Variants in PRKG1 observed in about 807,000 individuals in gnomAD.
PRKG1 encodes the protein protein kinase cGMP-dependent 1.
PRKG1 carries 35 observed loss-of-function variants against 88.1 expected under a neutral mutation model. That is an observed-to-expected ratio of 0.40 (90% CI 0.30 to 0.53). The LOEUF (loss-of-function observed/expected upper bound fraction) is 0.53, where lower values mean the gene tolerates loss of function less well. Among genes scored for constraint, PRKG1 ranks in the 20% least tolerant of loss-of-function variants. PRKG1 has a pLI of 0.59. For missense variants in PRKG1, 540 were observed against 839.8 expected (o/e 0.64, Z 4.41); for synonymous variants, 303 against 292.5 (o/e 1.04, Z -0.37).
At chr10:51,520,733 T>A in intron 3 of PRKG1, among the ~76,000 whole-genome samples, 1 of 152,206 alleles carries the variant, frequency 6.6e-6, no homozygotes. Context: ...TTTTGCATAT[T>A]GACCTCATGT....
intron 4 of PRKG1, among the ~76,000 whole-genome samples, chr10:51,807,227 GA>G (rs1194993948): frequency 6.6e-6 from 1 of 152,132 alleles, no homozygotes; most frequent in Non-Finnish European, 1.5e-5. Flanking sequence ...ACTCATTGAA[GA>G]ATGAAAATGC....
intron 1 of PRKG1, among the ~76,000 whole-genome samples, chr10:51,057,232 G>T (rs528730523): frequency 3.9e-5 from 6 of 152,268 alleles, no homozygotes; most frequent in South Asian, 2.1e-4. Flanking sequence ...TTGAGGTCAG[G>T]ATATATATCT....
intron 3 of PRKG1, among the ~76,000 whole-genome samples, chr10:51,495,595 G>A (rs1053078389): frequency 8.5e-5 from 13 of 152,176 alleles, no homozygotes; most frequent in African/African-American, 3.1e-4. Context: ...ATTGAAAATA[G>A]ACTAATTTAT....
At chr10:51,177,753 T>G (rs1837233959) in intron 2 of PRKG1, among the ~76,000 whole-genome samples, 1 of 152,060 alleles carries the variant, frequency 6.6e-6, no homozygotes, top group Non-Finnish European at 1.5e-5. Flanking sequence ...CATATATATT[T>G]ATACTATAAT....
At chr10:51,070,943 A>G (rs1843817994), upstream of PRKG1, among the ~76,000 whole-genome samples, 2 of 152,216 alleles carry the variant, frequency 1.3e-5, no homozygotes, top group African/African-American at 4.8e-5. Context: ...AACTGTTAGC[A>G]TCTAATGTCA....
intron 1 of PRKG1, among the ~76,000 whole-genome samples, chr10:51,017,826 G>T (rs1016815219): frequency 5.3e-5 from 8 of 151,358 alleles, no homozygotes; most frequent in African/African-American, 1.7e-4. Flanking sequence ...TTGATACAGG[G>T]TCTTGCTTTG....
intron 3 of PRKG1, among the ~76,000 whole-genome samples, chr10:51,499,169 G>A (rs1337911533): frequency 6.6e-6 from 1 of 152,216 alleles, no homozygotes; most frequent in East Asian, 1.9e-4. Flanking sequence ...TCCTCTGGGA[G>A]TTGGGACAAG....
intron 1 of PRKG1, among the ~76,000 whole-genome samples, chr10:51,040,232 T>TTGTGTGTGTGTGTGTG (rs373057468): frequency 1.7e-5 from 2 of 117,788 alleles, no homozygotes; most frequent in African/African-American, 3.2e-5. Context: ...TCCATTCCAT[T>TTGTGTGTGTGTGTGTG]TGTGTGTGTG....
chr10:51,523,029 A>G (rs1841776835), intron 3 of PRKG1, among the ~76,000 whole-genome samples: 1 of 152,196 alleles, frequency 6.6e-6, no homozygotes, highest in Non-Finnish European at 1.5e-5. Flanking sequence ...ATTTCTGAAC[A>G]GTTTTGTCCG....
chr10:51,549,120 C>CTTTTTTTTTTTTTTT lies in PRKG1; in HGVS notation c.592+81291_592+81305dup, dbSNP rs56045527. 1.1e-3 allele frequency among the ~76,000 whole-genome samples: 80 copies of CTTTTTTTTTTTTTTT among 70,326 alleles called. 2 individuals carry two copies. Among genetic ancestry groups the CTTTTTTTTTTTTTTT allele is most frequent in the South Asian group, 2.3e-3 (3 of 1,290 alleles). The allele number at this position is 70,326 out of a possible 152,430, so 46.1% of individuals were successfully genotyped here. ...TTCTTTCCTTTCTTTCTTTTCTTTT[C>CTTTTTTTTTTTTTTT]TTTTTTTTTTTTTTTTTTTTTGAGA... is the stretch of plus-strand genomic sequence containing the variant. On this transcript the variant is annotated intron_variant, in intron 3 of 17. Transcript: ENST00000373980.
chr10:51,689,954 G>A (rs540985805), intron 3 of PRKG1, among the ~76,000 whole-genome samples: 5 of 152,288 alleles, frequency 3.3e-5, no homozygotes, highest in Middle Eastern at 3.4e-3. Flanking sequence ...TTTCTATAAA[G>A]AAATACCTGA....
chr10:51,089,441 A>G (rs1844343815), intron 1 of PRKG1, among the ~76,000 whole-genome samples: 1 of 152,218 alleles, frequency 6.6e-6, no homozygotes, highest in African/African-American at 2.4e-5. Context: ...ATGAGTTGGT[A>G]GAGACCATTA....
At chr10:52,071,000 A>G (rs1296049486) in intron 7 of PRKG1, among the ~76,000 whole-genome samples, 1 of 152,226 alleles carries the variant, frequency 6.6e-6, no homozygotes, top group Non-Finnish European at 1.5e-5. Flanking sequence ...ACATAGGGTC[A>G]AGGTGATTAA....
intron 2 of PRKG1, among the ~76,000 whole-genome samples, chr10:51,190,798 T>C (rs1432505409): frequency 3.9e-5 from 6 of 151,926 alleles, no homozygotes. Flanking sequence ...TTTAAATGTT[T>C]TGAACCTCCA....
At chr10:52,190,993 G>A (rs182186047) in intron 9 of PRKG1, among the ~76,000 whole-genome samples, 13 of 152,190 alleles carry the variant, frequency 8.5e-5, no homozygotes, top group African/African-American at 2.6e-4. Context: ...TTAACAAAAT[G>A]AGTAGTCATT....
At chr10:51,814,004 C>A (rs1302525991) in intron 4 of PRKG1, among the ~76,000 whole-genome samples, 1 of 152,160 alleles carries the variant, frequency 6.6e-6, no homozygotes, top group African/African-American at 2.4e-5. Context: ...TGTACATAAG[C>A]AGACACCATG....
At chr10:52,185,699 A>G (rs1226531170) in intron 9 of PRKG1, among the ~76,000 whole-genome samples, 1 of 152,140 alleles carries the variant, frequency 6.6e-6, no homozygotes, top group African/African-American at 2.4e-5. Context: ...TTTCTTATAC[A>G]TCCTCTGAAA....
intron 3 of PRKG1, among the ~76,000 whole-genome samples, chr10:51,559,240 C>A (rs1028528373): frequency 1.3e-5 from 2 of 152,012 alleles, no homozygotes; most frequent in Non-Finnish European, 2.9e-5. Context: ...TGTATTACTT[C>A]ATCAGGGAAA....
chr10:51,339,345 A>G (rs1006940055), intron 2 of PRKG1, among the ~76,000 whole-genome samples: 10 of 152,258 alleles, frequency 6.6e-5, no homozygotes, highest in Middle Eastern at 6.8e-3. Flanking sequence ...TTCACCAGAA[A>G]GTACAAAAAT....
Sources: gnomAD v4.1 joint callset for allele counts (sites outside exome capture counted in the v4.1 genomes callset) on GRCh38, gnomAD v4.1.1 for gene constraint, MANE v1.5 for transcripts, NCBI Gene and HGNC (gene_info 2026-07-23, HGNC 2026-07-21) for gene names.